The following ERBB4 variants were observed in gnomAD, a reference collection of about 807,000 sequenced individuals.
ERBB4 encodes erb-b2 receptor tyrosine kinase 4.
ERBB4 carries 42 observed loss-of-function variants against 158.0 expected under a neutral mutation model. The observed-to-expected ratio is 0.27, with a 90% CI of 0.21 to 0.34. ERBB4 has a LOEUF of 0.34. ERBB4 is among the 10% of genes least tolerant of loss of function. The pLI is 1.00. For synonymous variants in ERBB4, 583 were observed against 558.7 expected, an observed-to-expected ratio of 1.04 and a Z score of -0.61; for missense variants, 1,333 against 1,624.1, an observed-to-expected ratio of 0.82 and a Z score of 3.08.
intron 3 of ERBB4, among the ~76,000 whole-genome samples, chr2:211,930,315 C>T (rs1304163749): frequency 1.3e-5 from 2 of 152,118 alleles, no homozygotes; most frequent in African/African-American, 2.4e-5. Context: ...CATTTAAAAA[C>T]TTTTACAGTG....
rs547280979 is a variant in ERBB4 at position 212,040,951 on chromosome 2, C to T, written c.234+83801G>A. ...TAACTATTCTGTTCTAATCTGAATA[C>T]GGAAACTTTTCAGGAGAGGTCTTCT... On this transcript the variant is annotated intron_variant, in intron 2 of 27. Transcript: ENST00000342788. Among the ~76,000 whole-genome samples the T allele has an allele frequency of 4.6e-5, 7 of 152,176 alleles. No homozygotes were observed. In the South Asian group the frequency reaches 6.2e-4, roughly 14 times the overall value.
At chr2:212,160,915 A>G (rs1440128753) in intron 1 of ERBB4, among the ~76,000 whole-genome samples, 1 of 151,984 alleles carries the variant, frequency 6.6e-6, no homozygotes, top group Non-Finnish European at 1.5e-5. Context: ...CTGTGTGTAT[A>G]TTTGAAAGTA....
intron 3 of ERBB4, among the ~76,000 whole-genome samples, chr2:211,885,946 A>C (rs960169908): frequency 4.6e-5 from 7 of 152,246 alleles, no homozygotes; most frequent in Non-Finnish European, 1.5e-5. Flanking sequence ...GCTAGTTGAA[A>C]GAATCTAACA....
chr2:211,831,381 T>C (rs929546047), intron 3 of ERBB4, among the ~76,000 whole-genome samples: 2 of 152,166 alleles, frequency 1.3e-5, no homozygotes, highest in Non-Finnish European at 2.9e-5. Context: ...AGAGAGCTTT[T>C]CAGGGTCTTG....
chr2:211,788,400 A>G (rs145236967), intron 3 of ERBB4, among the ~76,000 whole-genome samples: 2 of 151,960 alleles, frequency 1.3e-5, no homozygotes, highest in Admixed American at 1.3e-4. Flanking sequence ...TGAGAGTAAC[A>G]CTCCTAACAT....
intron 5 of ERBB4, among the ~76,000 whole-genome samples, chr2:211,744,524 C>T (rs2074903029): frequency 6.6e-6 from 1 of 152,188 alleles, no homozygotes; most frequent in Admixed American, 6.5e-5. Flanking sequence ...GTTGTTGTGA[C>T]CGGCTTCTTT....
intron 3 of ERBB4, among the ~76,000 whole-genome samples, chr2:211,790,107 A>G (rs570334215): frequency 6.6e-6 from 1 of 152,214 alleles, no homozygotes; most frequent in East Asian, 1.9e-4. Context: ...GACGTAAGAA[A>G]GATTGTGAAA....
At chr2:211,951,969 C>T (rs185357970) in intron 2 of ERBB4, among the ~76,000 whole-genome samples, 15 of 151,996 alleles carry the variant, frequency 9.9e-5, no homozygotes, top group Admixed American at 6.6e-4. Flanking sequence ...TTAATTGTTA[C>T]GTCCCTTTCT....
intron 3 of ERBB4, among the ~76,000 whole-genome samples, chr2:211,924,796 A>G (rs1238105743): frequency 1.3e-5 from 2 of 152,204 alleles, no homozygotes; most frequent in Admixed American, 1.3e-4. Flanking sequence ...AGCTTTTTTA[A>G]TATAAAGGAA....
intron 2 of ERBB4, among the ~76,000 whole-genome samples, chr2:212,032,758 A>G (rs1326133249): frequency 1.3e-5 from 2 of 151,990 alleles, no homozygotes. Flanking sequence ...CCATATGGAC[A>G]TGCTTCTTGA....
chr2:212,230,526 A>G (rs1424092184), intron 1 of ERBB4, among the ~76,000 whole-genome samples: 1 of 152,194 alleles, frequency 6.6e-6, no homozygotes, highest in East Asian at 1.9e-4. Flanking sequence ...CATCATCAAG[A>G]ATATTCCATT....
chr2:212,069,631 TTCTC>T (rs567132010), intron 2 of ERBB4, among the ~76,000 whole-genome samples: 8 of 152,086 alleles, frequency 5.3e-5, no homozygotes, highest in Non-Finnish European at 1.0e-4. Context: ...GAAGAAAAGT[TTCTC>T]TATCTGTAGA....
At chr2:211,477,187 C>G (rs985823183) in intron 20 of ERBB4, among the ~76,000 whole-genome samples, 4 of 152,072 alleles carry the variant, frequency 2.6e-5, no homozygotes, top group Non-Finnish European at 4.4e-5. Context: ...TGTCAGCAGG[C>G]TGCCTGTGGA....
At chr2:211,513,048 A>G (rs2065921262) in intron 20 of ERBB4, among the ~76,000 whole-genome samples, 2 of 151,990 alleles carry the variant, frequency 1.3e-5, no homozygotes, top group African/African-American at 2.4e-5. Context: ...TTGGAGATCT[A>G]CCTCTTAGGG....
intron 2 of ERBB4, among the ~76,000 whole-genome samples, chr2:212,077,307 C>G (rs544651848): frequency 6.6e-6 from 1 of 151,668 alleles, no homozygotes; most frequent in Non-Finnish European, 1.5e-5. Context: ...ACTTATACAC[C>G]GTAAGATATA....
intron 3 of ERBB4, among the ~76,000 whole-genome samples, chr2:211,815,597 A>G (rs1240788733): frequency 6.6e-6 from 1 of 152,198 alleles, no homozygotes; most frequent in Non-Finnish European, 1.5e-5. Flanking sequence ...TGTAAACAGC[A>G]CTCAACTAAA....
chr2:211,396,016 GAAA>G (rs925667581), intron 25 of ERBB4, among the ~76,000 whole-genome samples: 1 of 139,036 alleles, frequency 7.2e-6, no homozygotes, highest in Non-Finnish European at 1.6e-5. Flanking sequence ...CTAAGAATAA[GAAA>G]AAAAAAAAGA....
intron 1 of ERBB4, among the ~76,000 whole-genome samples, chr2:212,495,298 G>T (rs1275126258): frequency 6.6e-6 from 1 of 152,068 alleles, no homozygotes; most frequent in Non-Finnish European, 1.5e-5. Flanking sequence ...CTTTTCCTCT[G>T]TGCCCTGTGA....
chr2:211,589,079 C>T (rs916359655), intron 19 of ERBB4, among the ~76,000 whole-genome samples: 1 of 152,122 alleles, frequency 6.6e-6, no homozygotes, highest in Admixed American at 6.5e-5. Context: ...TTAAAATTAT[C>T]ACAGGCAATT....
Sources: allele counts gnomAD v4.1 joint callset (sites outside exome capture counted in the v4.1 genomes callset), GRCh38; gene constraint gnomAD v4.1.1; transcripts MANE v1.5; gene names NCBI Gene and HGNC (gene_info 2026-07-23, HGNC 2026-07-21).